ARHGEF4: variants seen among roughly 807,000 people sequenced by gnomAD.
ARHGEF4 encodes Rho guanine nucleotide exchange factor 4.
In ARHGEF4, 119 loss-of-function variants were observed where a neutral mutation model predicts 162.0. The observed-to-expected ratio is 0.73, with a 90% CI of 0.63 to 0.86. The LOEUF (loss-of-function observed/expected upper bound fraction) is 0.86. Ranked by LOEUF, ARHGEF4 falls within the 40% of genes least tolerant of loss-of-function variation. The pLI is 0.00. For missense variants in ARHGEF4, 2,488 were observed against 2,456.0 expected (o/e 1.01, Z -0.28); for synonymous variants, 1,014 against 979.9 (o/e 1.03, Z -0.65).
rs148090006 is a variant in ARHGEF4 at position 130,928,790 on chromosome 2, C to T, written c.3553-2162C>T. Among the ~76,000 whole-genome samples the T allele has an allele frequency of 7.6e-4, 115 of 152,250 alleles. No individual in the cohort carries two copies. In the East Asian group the frequency reaches 0.017, roughly 23 times the overall value. On this transcript the variant is annotated intron_variant, in intron 2 of 13. Coordinates refer to ENST00000409359, the MANE Select transcript of ARHGEF4 (RefSeq NM_001367493.1). ...TAATGCTGCTCTTTTGGGAATACAA[C>T]GAAGGACAAAAGTTCCTTTAGTCAA...
intron 1 of ARHGEF4, chr2:130,837,689 C>T (rs1354937116): frequency 2.3e-6 from 1 of 437,930 alleles, no homozygotes; most frequent in Admixed American, 2.4e-5. Context: ...GTTGCCAAGC[C>T]CGACCTCCCC....
At chr2:130,943,440 A>G (rs1166369038) in intron 3 of ARHGEF4, among the ~76,000 whole-genome samples, 2 of 152,070 alleles carry the variant, frequency 1.3e-5, no homozygotes, top group Middle Eastern at 3.4e-3. Context: ...GAGTATTCAA[A>G]CTTAATGTAT....
chr2:130,905,173 A>G (rs1358005185), intron 1 of ARHGEF4, among the ~76,000 whole-genome samples: 1 of 152,202 alleles, frequency 6.6e-6, no homozygotes, highest in Admixed American at 6.5e-5. Context: ...GAATACACAA[A>G]ATTATCGCAC....
At chr2:130,952,646 T>C (rs981654390) in intron 4 of ARHGEF4, among the ~76,000 whole-genome samples, 7 of 152,176 alleles carry the variant, frequency 4.6e-5, no homozygotes, top group Admixed American at 3.9e-4. Context: ...AATGACATGA[T>C]TGTATATTTA....
intron 12 of ARHGEF4, 60 bp from the exon 13 acceptor site, chr2:131,045,309 A>G: frequency 6.7e-7 from 1 of 1,485,384 alleles, no homozygotes; most frequent in South Asian, 1.2e-5. Flanking sequence ...GCAGGTGTGC[A>G]GGGAACTGCA....
chr2:130,953,227 G>C (rs1482737852), intron 4 of ARHGEF4, among the ~76,000 whole-genome samples: 3 of 152,122 alleles, frequency 2.0e-5, no homozygotes, highest in African/African-American at 2.4e-5. Flanking sequence ...CAATGGAACA[G>C]AACAGAGGCC....
intron 1 of ARHGEF4, among the ~76,000 whole-genome samples, chr2:130,849,380 C>T (rs978378290): frequency 2.0e-5 from 3 of 152,144 alleles, no homozygotes; most frequent in Admixed American, 2.0e-4. Flanking sequence ...CTTTGCTGCC[C>T]TTAGAGACAA....
chr2:130,960,249 G>A (rs1423348257), intron 4 of ARHGEF4, among the ~76,000 whole-genome samples: 1 of 152,178 alleles, frequency 6.6e-6, no homozygotes, highest in Non-Finnish European at 1.5e-5. Context: ...ACAAATTCCA[G>A]TCCTGCAAGC....
chr2:130,837,661 AG>A, intron 1 of ARHGEF4: 1 of 444,022 alleles, frequency 2.3e-6, no homozygotes, highest in Non-Finnish European at 4.5e-6. Context: ...GGGCACTGTC[AG>A]GGGTGGCCGG....
rs1203857589 is a variant in ARHGEF4, at chr2:130,914,328, A to G, written c.382A>G (p.Lys128Glu). 3 of 1,476,702 alleles carry G rather than the reference A, an allele frequency of 2.0e-6. No homozygotes were observed. Among genetic ancestry groups the G allele is most frequent in the Non-Finnish European group, 2.7e-6 (3 of 1,117,870 alleles). The allele number at this position is 1,476,702 out of a possible 1,614,324, so 91.5% of individuals were successfully genotyped here. The change falls in exon 2 of 14, where the codon AAG becomes GAG. Residue 128 changes from lysine (K) to glutamate (E), a missense_variant. Physicochemically the swap from Lys to Glu is moderately conservative, Grantham distance 56 (BLOSUM62 1). Around this residue, in one of 6 missense-constraint regions of ARHGEF4, gnomAD observed 171 missense variants for 169.4 expected, o/e 1.01. Coordinates refer to ENST00000409359, the MANE Select transcript of ARHGEF4 (RefSeq NM_001367493.1). Reference protein sequence around the residue: ...HLTSVPGLHAKEELDLSPSLE... With the variant: ...HLTSVPGLHAEEELDLSPSLE... The stretch of plus-strand genomic sequence containing the variant: ...GACCAGTGTTCCTGGGCTTCATGCA[A>G]AGGAAGAACTCGATTTGTCCCCTAG...
chr2:130,957,907 A>G (rs1684389398), intron 4 of ARHGEF4, among the ~76,000 whole-genome samples: 1 of 152,038 alleles, frequency 6.6e-6, no homozygotes, highest in Non-Finnish European at 1.5e-5. Context: ...TTTTTTTATA[A>G]GCCACTCAGT....
intron 5 of ARHGEF4, among the ~76,000 whole-genome samples, chr2:131,033,921 T>TAC (rs1181794935): frequency 6.6e-6 from 1 of 152,154 alleles, no homozygotes; most frequent in African/African-American, 2.4e-5. Flanking sequence ...CATATGTATA[T>TAC]ACACACAGAG....
chr2:130,920,332 A>G (rs1222834903), intron 2 of ARHGEF4, among the ~76,000 whole-genome samples: 2 of 152,176 alleles, frequency 1.3e-5, no homozygotes, highest in Non-Finnish European at 2.9e-5. Flanking sequence ...TGGAGTCTGC[A>G]TGGGTTTTAA....
At chr2:130,939,470 A>G (rs1683158522) in intron 3 of ARHGEF4, among the ~76,000 whole-genome samples, 1 of 152,156 alleles carries the variant, frequency 6.6e-6, no homozygotes, top group Non-Finnish European at 1.5e-5. Context: ...CACCAGTGCC[A>G]CACTGTCTTG....
At chr2:130,864,179 C>G (rs1443183315) in intron 1 of ARHGEF4, among the ~76,000 whole-genome samples, 1 of 148,044 alleles carries the variant, frequency 6.8e-6, no homozygotes, top group Non-Finnish European at 1.5e-5. Flanking sequence ...GAGACTCTGT[C>G]TCAAAGAAAG....
chr2:130,874,930 A>C (rs1338822039), intron 1 of ARHGEF4, among the ~76,000 whole-genome samples: 1 of 152,100 alleles, frequency 6.6e-6, no homozygotes, highest in African/African-American at 2.4e-5. Flanking sequence ...AGACTCATCC[A>C]AGTTGTGCAT....
chr2:130,983,840 G>A lies in ARHGEF4; in HGVS notation c.3985+37205G>A, dbSNP rs78627269. Among the ~76,000 whole-genome samples the A allele has an allele frequency of 3.9e-3, 591 of 152,054 alleles. 4 individuals carry two copies. Among genetic ancestry groups the A allele is most frequent in the East Asian group, 0.015 (80 of 5,172 alleles). On this transcript the variant is annotated intron_variant, in intron 4 of 13. Coordinates refer to ENST00000409359, the MANE Select transcript of ARHGEF4 (RefSeq NM_001367493.1). ...AATTTTTTGTATTTTTAGTAGAGAC[G>A]GGGTTTCACCATGTTAGCCAGGATG...
chr2:130,841,887 C>G (rs1029091388), intron 1 of ARHGEF4, among the ~76,000 whole-genome samples: 6 of 152,216 alleles, frequency 3.9e-5, no homozygotes, highest in African/African-American at 1.4e-4. Flanking sequence ...AACAGCTCAC[C>G]TGCCGGCTCT....
At chr2:130,987,818 T>C (rs1461110187) in intron 4 of ARHGEF4, among the ~76,000 whole-genome samples, 1 of 152,168 alleles carries the variant, frequency 6.6e-6, no homozygotes, top group African/African-American at 2.4e-5. Flanking sequence ...GTGAGAGATA[T>C]GGATTAATGC....
Sources: allele counts gnomAD v4.1 joint callset (sites outside exome capture counted in the v4.1 genomes callset), GRCh38; gene constraint gnomAD v4.1.1; regional missense constraint gnomAD v4.1.1; transcripts MANE v1.5; gene names NCBI Gene and HGNC (gene_info 2026-07-23, HGNC 2026-07-21).